The following BAZ1A variants were observed in gnomAD, a reference collection of about 807,000 sequenced individuals.
BAZ1A encodes bromodomain adjacent to zinc finger domain protein 1A.
In BAZ1A, 50 loss-of-function variants were observed where a neutral mutation model predicts 185.2. The ratio of observed to expected loss-of-function variants is 0.27; its 90% CI spans 0.22 to 0.34. The LOEUF is 0.34. Among genes scored for constraint, BAZ1A ranks in the 10% least tolerant of loss-of-function variants. BAZ1A has a pLI of 1.00. For missense variants in BAZ1A, 1,356 were observed against 1,839.9 expected, an observed-to-expected ratio of 0.74 and a Z score of 4.81; for synonymous variants, 571 against 615.6, an observed-to-expected ratio of 0.93 and a Z score of 1.07.
At chr14:34,865,843 A>G (rs1430237343) in intron 2 of BAZ1A, among the ~76,000 whole-genome samples, 1 of 152,194 alleles carries the variant, frequency 6.6e-6, no homozygotes, top group Non-Finnish European at 1.5e-5. Context: ...GAAGGTAAAA[A>G]AAGATTTTTA....
intron 6 of BAZ1A, among the ~76,000 whole-genome samples, chr14:34,805,857 C>T (rs1040048609): frequency 6.6e-6 from 1 of 150,662 alleles, no homozygotes; most frequent in Non-Finnish European, 1.5e-5. Context: ...TTTCCCCCAG[C>T]GCTTGCCCTT....
At chr14:34,839,668 C>G (rs971621477) in intron 3 of BAZ1A, among the ~76,000 whole-genome samples, 1 of 150,876 alleles carries the variant, frequency 6.6e-6, no homozygotes, top group Non-Finnish European at 1.5e-5. Context: ...ATGGAGAAAC[C>G]CCGTCTCTAC....
At chr14:34,824,408 C>CAAAA in intron 4 of BAZ1A, among the ~76,000 whole-genome samples, 179 of 65,714 alleles carry the variant, frequency 2.7e-3, no homozygotes, top group Middle Eastern at 0.015. Flanking sequence ...AGCAGCAACT[C>CAAAA]AAAAAAAAAA....
At chr14:34,790,739 T>C (rs1880789469) in intron 12 of BAZ1A, among the ~76,000 whole-genome samples, 2 of 152,336 alleles carry the variant, frequency 1.3e-5, no homozygotes, top group African/African-American at 2.4e-5. Flanking sequence ...TTTTATTTAG[T>C]GGCCAATACT....
At chr14:34,755,009 A>G (rs1025186403) in intron 25 of BAZ1A, 95 bp from the exon 26 acceptor site, 5 of 766,816 alleles carry the variant, frequency 6.5e-6, no homozygotes, top group African/African-American at 3.5e-5. Context: ...AAGCAACTCA[A>G]TATGCAATTG....
At chr14:34,861,149 A>G (rs2138817211) in intron 3 of BAZ1A, among the ~76,000 whole-genome samples, 1 of 152,288 alleles carries the variant, frequency 6.6e-6, no homozygotes, top group South Asian at 2.1e-4. Context: ...AGAAAAAAAA[A>G]ATTTGTATTC....
At chr14:34,828,224 C>T (rs990531561) in intron 3 of BAZ1A, among the ~76,000 whole-genome samples, 2 of 135,470 alleles carry the variant, frequency 1.5e-5, no homozygotes, top group Non-Finnish European at 3.1e-5. Context: ...ACCCAGGAGG[C>T]GGAGGTTGCT....
At chr14:34,757,059 CATT>C (rs1363017275) in intron 25 of BAZ1A, among the ~76,000 whole-genome samples, 2 of 152,138 alleles carry the variant, frequency 1.3e-5, no homozygotes, top group African/African-American at 4.8e-5. Flanking sequence ...AACACACCAT[CATT>C]ATTTATAAAG....
intron 17 of BAZ1A, 157 bp downstream of exon 17, chr14:34,780,029 A>T: frequency 1.2e-6 from 1 of 864,238 alleles, no homozygotes; most frequent in Non-Finnish European, 1.8e-6. Context: ...CATTTTTACA[A>T]CTCATCACAG....
intron 21 of BAZ1A, among the ~76,000 whole-genome samples, chr14:34,767,829 T>C (rs1483030597): frequency 6.6e-6 from 1 of 152,192 alleles, no homozygotes; most frequent in Non-Finnish European, 1.5e-5. Context: ...AGACAAATTA[T>C]GAAGAACTTT....
chr14:34,794,994 G>T, intron 10 of BAZ1A, 107 bp from the exon 11 acceptor site: 1 of 1,404,686 alleles, frequency 7.1e-7, no homozygotes, highest in Non-Finnish European at 9.5e-7. Context: ...TTATTTGTAA[G>T]CTACTGGTTC....
chr14:34,783,368 C>CTTTTT (rs201307518), intron 15 of BAZ1A, 136 bp from the exon 16 acceptor site: 4 of 369,536 alleles, frequency 1.1e-5, no homozygotes, highest in South Asian at 6.7e-5. Context: ...CATTCATAAG[C>CTTTTT]TTTTTTTTTT....
chr14:34,801,693 G>C (rs1329622386), intron 7 of BAZ1A, among the ~76,000 whole-genome samples: 2 of 152,148 alleles, frequency 1.3e-5, no homozygotes, highest in African/African-American at 4.8e-5. Context: ...TAGAATACTT[G>C]AGGTCGGGCG....
At chr14:34,840,137 G>T (rs1232789486) in intron 3 of BAZ1A, among the ~76,000 whole-genome samples, 1 of 151,994 alleles carries the variant, frequency 6.6e-6, no homozygotes, top group African/African-American at 2.4e-5. Context: ...TAAAAACCTG[G>T]CTAATTGAGG....
chr14:34,815,398 C>A (rs2041991560), intron 4 of BAZ1A, among the ~76,000 whole-genome samples: 1 of 152,170 alleles, frequency 6.6e-6, no homozygotes, highest in Non-Finnish European at 1.5e-5. Context: ...ACATTTTAAT[C>A]ATTTTTCTTG....
chr14:34,786,281 T>G (rs1880432913), intron 12 of BAZ1A, 60 bp from the exon 13 acceptor site: 3 of 1,460,338 alleles, frequency 2.1e-6, no homozygotes, highest in Non-Finnish European at 2.8e-6. Flanking sequence ...TTGGGAATAA[T>G]GCCCGTTTTA....
chr14:34,841,400 T>TC (rs1042938851), intron 3 of BAZ1A, among the ~76,000 whole-genome samples: 5 of 152,164 alleles, frequency 3.3e-5, no homozygotes, highest in Non-Finnish European at 5.9e-5. Flanking sequence ...ACCTGTGTTT[T>TC]CTTTTTTTTG....
intron 25 of BAZ1A, 82 bp from the exon 26 acceptor site, chr14:34,754,996 A>G (rs1291874149): frequency 3.1e-6 from 3 of 964,282 alleles, no homozygotes; most frequent in Non-Finnish European, 4.7e-6. Context: ...GTTTTGCACT[A>G]AAAAGCAACT....
chr14:34,831,774 G>A (rs1336918999), intron 3 of BAZ1A, among the ~76,000 whole-genome samples: 1 of 152,016 alleles, frequency 6.6e-6, no homozygotes, highest in Admixed American at 6.6e-5. Context: ...TTAAATTTAA[G>A]CATCCTAGTC....
Sources: allele counts gnomAD v4.1 joint callset (sites outside exome capture counted in the v4.1 genomes callset), GRCh38; gene constraint gnomAD v4.1.1; transcripts MANE v1.5; gene names NCBI Gene and HGNC (gene_info 2026-07-23, HGNC 2026-07-21).